FOXP1: variants seen among roughly 807,000 people sequenced by gnomAD.
FOXP1 encodes forkhead box protein P1.
FOXP1 carries 15 observed loss-of-function variants against 98.2 expected under a neutral mutation model. That is an observed-to-expected ratio of 0.15 (90% CI 0.10 to 0.24). The LOEUF is 0.24. Among genes scored for constraint, FOXP1 ranks in the 10% least tolerant of loss-of-function variants. FOXP1 has a pLI of 1.00. For synonymous variants in FOXP1, 371 were observed against 314.5 expected (o/e 1.18, Z -1.90); for missense variants, 633 against 848.5 (o/e 0.75, Z 3.15).
At chr3:71,133,908 A>T (rs924914514) in intron 6 of FOXP1, among the ~76,000 whole-genome samples, 1 of 152,164 alleles carries the variant, frequency 6.6e-6, no homozygotes, top group African/African-American at 2.4e-5. Flanking sequence ...ATGACTCTAT[A>T]GTATTTCCTA....
intron 3 of FOXP1, among the ~76,000 whole-genome samples, chr3:71,361,053 A>T (rs1357528857): frequency 6.6e-6 from 1 of 152,198 alleles, no homozygotes; most frequent in Non-Finnish European, 1.5e-5. Flanking sequence ...CTGAATCTTC[A>T]TTCTTATATG....
chr3:71,278,109 C>G (rs1166316542), intron 5 of FOXP1, among the ~76,000 whole-genome samples: 2 of 152,138 alleles, frequency 1.3e-5, no homozygotes, highest in Non-Finnish European at 2.9e-5. Context: ...CTCTCTGTGC[C>G]TGCGGGAAAC....
At chr3:71,246,024 G>C (rs556844405) in intron 5 of FOXP1, among the ~76,000 whole-genome samples, 1 of 151,674 alleles carries the variant, frequency 6.6e-6, no homozygotes, top group East Asian at 1.9e-4. Context: ...AAAGCAGTGA[G>C]TGAAACATCC....
At position 71,297,423 on chromosome 3, in the gene FOXP1, G is replaced by A. The variant is rs1346829858; in HGVS notation, c.-12+2397C>T. On this transcript the variant is annotated intron_variant, in intron 5 of 20. Transcript: ENST00000649528. ...CTGTATTTCCATTTTCAGGTAACAG[G>A]TGAAAGAACGGACATTATAAAGATA... 6.7e-5 allele frequency among the ~76,000 whole-genome samples: 10 copies of A among 149,674 alleles called. No homozygotes were observed. The South Asian group carries it at 1.3e-3, about 19-fold the overall frequency.
chr3:71,198,130 G>A (rs2063408849), intron 6 of FOXP1, 72 bp downstream of exon 6: 3 of 1,612,596 alleles, frequency 1.9e-6, no homozygotes, highest in East Asian at 2.2e-5. Flanking sequence ...GCGAGATCGC[G>A]ATTAAGTGTA....
intron 6 of FOXP1, among the ~76,000 whole-genome samples, chr3:71,159,504 A>C (rs911110833): frequency 6.6e-6 from 1 of 152,202 alleles, no homozygotes; most frequent in Non-Finnish European, 1.5e-5. Context: ...AGTAAGATTC[A>C]AGAGTAAGTT....
intron 2 of FOXP1, among the ~76,000 whole-genome samples, chr3:71,560,016 C>G (rs919405997): frequency 6.6e-6 from 1 of 152,052 alleles, no homozygotes; most frequent in African/African-American, 2.4e-5. Context: ...AATGAGAGAG[C>G]TAAGAATGAA....
intron 5 of FOXP1, among the ~76,000 whole-genome samples, chr3:71,248,426 G>C (rs2067919726): frequency 6.6e-6 from 1 of 152,066 alleles, no homozygotes; most frequent in Non-Finnish European, 1.5e-5. Flanking sequence ...TGATCTCAAA[G>C]CAAACTAAAC....
intron 4 of FOXP1, among the ~76,000 whole-genome samples, chr3:71,315,600 C>A (rs886226535): frequency 6.6e-6 from 1 of 152,128 alleles, no homozygotes; most frequent in African/African-American, 2.4e-5. Context: ...TCTGAGAGGT[C>A]CAGGCAAGCC....
intron 3 of FOXP1, among the ~76,000 whole-genome samples, chr3:71,402,995 GTTGTC>G (rs2082046429): frequency 6.6e-6 from 1 of 152,152 alleles, no homozygotes; most frequent in Non-Finnish European, 1.5e-5. Flanking sequence ...AATCAACTAG[GTTGTC>G]TTTTTACACA....
intron 11 of FOXP1, among the ~76,000 whole-genome samples, chr3:71,031,676 C>T (rs895509688): frequency 3.9e-5 from 6 of 152,020 alleles, no homozygotes; most frequent in Non-Finnish European, 8.8e-5. Context: ...AAATATTAGA[C>T]CAACAATCCA....
chr3:71,336,434 AC>A (rs972068274), intron 4 of FOXP1, among the ~76,000 whole-genome samples: 23 of 150,662 alleles, frequency 1.5e-4, no homozygotes, highest in Non-Finnish European at 2.2e-4. Context: ...CTTGCCCTCC[AC>A]CCCCCGATAG....
At chr3:71,125,244 T>C (rs2059080899) in intron 6 of FOXP1, among the ~76,000 whole-genome samples, 1 of 152,196 alleles carries the variant, frequency 6.6e-6, no homozygotes, top group Admixed American at 6.5e-5. Context: ...GGTTCTAAAT[T>C]ACTTTATATA....
chr3:70,975,070 A>T (rs2037209704), intron 17 of FOXP1, among the ~76,000 whole-genome samples: 1 of 152,210 alleles, frequency 6.6e-6, no homozygotes, highest in African/African-American at 2.4e-5. Flanking sequence ...AGAAAATTAT[A>T]CGTATTTATG....
intron 11 of FOXP1, among the ~76,000 whole-genome samples, chr3:71,020,432 G>A (rs955719182): frequency 6.6e-6 from 1 of 152,050 alleles, no homozygotes; most frequent in Non-Finnish European, 1.5e-5. Context: ...TTATATAATG[G>A]TTATGGTTCC....
At chr3:71,518,125 TTTTTTTG>T (rs927315372) in intron 2 of FOXP1, among the ~76,000 whole-genome samples, 10 of 152,298 alleles carry the variant, frequency 6.6e-5, no homozygotes, top group African/African-American at 1.7e-4. Flanking sequence ...TGACAGTGTT[TTTTTTTG>T]TTTTTTGTTT....
intron 2 of FOXP1, among the ~76,000 whole-genome samples, chr3:71,505,533 C>G (rs2041752967): frequency 6.7e-6 from 1 of 149,700 alleles, no homozygotes; most frequent in Admixed American, 6.8e-5. Context: ...TCAAGCGATT[C>G]TCCTGCCTCA....
At chr3:71,034,727 T>C (rs73838139) in intron 11 of FOXP1, among the ~76,000 whole-genome samples, 3,762 of 152,226 alleles carry the variant, frequency 0.025, 151 homozygotes, top group African/African-American at 0.083. Context: ...ACCTTAAATT[T>C]GTGTCTCTTG....
chr3:71,231,020 C>T (rs1490659871), intron 5 of FOXP1, among the ~76,000 whole-genome samples: 2 of 152,158 alleles, frequency 1.3e-5, no homozygotes, highest in East Asian at 1.9e-4. Flanking sequence ...TCCCTCCGCT[C>T]TTTAATCATA....
Sources: gnomAD v4.1 joint callset for allele counts (sites outside exome capture counted in the v4.1 genomes callset) on GRCh38, gnomAD v4.1.1 for gene constraint, MANE v1.5 for transcripts, NCBI Gene and HGNC (gene_info 2026-07-23, HGNC 2026-07-21) for gene names.